Variants in WDR36 observed in about 807,000 individuals in gnomAD.
The protein encoded by WDR36 is WD repeat-containing protein 36.
WDR36 carries 63 observed loss-of-function variants against 112.7 expected under a neutral mutation model. The ratio of observed to expected loss-of-function variants is 0.56; its 90% CI spans 0.46 to 0.69. The LOEUF is 0.69. WDR36 is among the 30% of genes least tolerant of loss of function. The pLI is 0.00. For missense variants in WDR36, 1,226 were observed against 1,070.3 expected (o/e 1.15, Z -2.03); for synonymous variants, 410 against 362.2 (o/e 1.13, Z -1.50).
intron 6 of WDR36, among the ~76,000 whole-genome samples, chr5:111,103,031 C>G (rs2112570694): frequency 6.6e-6 from 1 of 151,660 alleles, no homozygotes; most frequent in East Asian, 1.9e-4. Context: ...CCACTTTTGC[C>G]TATCCAGAAG....
Position 111,107,306 on chromosome 5 carries a change from A to G in WDR36, c.1193A>G (p.Glu398Gly). The G allele has an allele frequency of 6.2e-7, 1 of 1,610,068 alleles. No individual in the cohort carries two copies. The highest frequency in any genetic ancestry group is 8.5e-7 in the Non-Finnish European group (1 of 1,177,416). ...CATTACGTTTTAGAGGAAGCTCGTG[A>G]AAGTGACTGGGATGGTATCATTGCT... ...ITKFAAEEAR[E>G]SDWDGIIACH... The change falls in exon 12 of 23, where the codon GAA (glutamate) becomes GGA (glycine). Residue 398 changes from glutamate to glycine, a missense_variant. Glu to Gly is a moderately conservative substitution (Grantham distance 98, BLOSUM62 -2). Coordinates refer to ENST00000513710, the MANE Select transcript of WDR36 (RefSeq NM_139281.3).
At chr5:111,096,310 G>C (rs79221418) in intron 2 of WDR36, among the ~76,000 whole-genome samples, 2,646 of 152,302 alleles carry the variant, frequency 0.017, 31 homozygotes, top group Non-Finnish European at 0.029. Context: ...AATACCATAT[G>C]TAATATTTTT....
Position 111,105,371 on chromosome 5 carries a change from T to C in WDR36, c.1093+11T>C, listed in dbSNP as rs201187360. On this transcript the variant is annotated intron_variant, in intron 10 of 22. Coordinates refer to ENST00000513710, the MANE Select transcript of WDR36 (RefSeq NM_139281.3). Reference sequence around the variant, plus strand: ...AGAGCTTGGGACATGGTAGGTCCTCTACAAGACAAAATAAGCTGGTCACGA... The same window carrying C: ...AGAGCTTGGGACATGGTAGGTCCTCCACAAGACAAAATAAGCTGGTCACGA... 5.0e-6 allele frequency: 8 copies of C among 1,607,656 alleles called. No individual in the cohort carries two copies. In the East Asian group the frequency reaches 1.8e-4, roughly 36 times the overall value.
rs1753103883 is a variant in WDR36, at chr5:111,100,615, A to G, written c.436A>G (p.Lys146Glu). Residue 146 changes from lysine (K) to glutamate (E), a missense_variant, in exon 5 of 23, where the codon AAA becomes GAA. By Grantham distance (56) the Lys-to-Glu change is moderately conservative. Transcript: ENST00000513710. ...AGAATACCTGCAGTTGACTTTTGAT[A>G]AATCAGTATTTAAAATTTCTGCAAT... ...EEEYLQLTFD[K>E]SVFKISAILH... is the part of the protein sequence containing the mutation. 6.3e-7 allele frequency: 1 copy of G among 1,591,932 alleles called. No homozygotes were observed. The highest frequency in any genetic ancestry group is 1.3e-5 in the African/African-American group (1 of 74,372).
chr5:111,105,182 G>A, intron 9 of WDR36, 113 bp from the exon 10 acceptor site: 1 of 1,119,468 alleles, frequency 8.9e-7, no homozygotes, highest in Admixed American at 1.9e-5. Flanking sequence ...TCCCTTTAAA[G>A]TGTCCCAAAC....
intron 5 of WDR36, among the ~76,000 whole-genome samples, chr5:111,101,570 C>G (rs1021039936): frequency 2.0e-4 from 31 of 151,770 alleles, no homozygotes; most frequent in African/African-American, 7.0e-4. Flanking sequence ...ATACTTCTAT[C>G]CATTATGTAA....
chr5:111,092,540 A>C lies in WDR36; in HGVS notation c.84A>C (p.Pro28=), dbSNP rs750774186. 1 of 1,614,200 alleles carries C rather than the reference A, an allele frequency of 6.2e-7. No homozygotes were observed. The highest frequency in any genetic ancestry group is 2.2e-5 in the East Asian group (1 of 44,880). The change falls in exon 1 of 23, where the codon CCA becomes CCC. Residue 28 remains proline, a synonymous_variant. Coordinates refer to ENST00000513710, the MANE Select transcript of WDR36 (RefSeq NM_139281.3). ...RALGLFSNDI[P]HVVRFSALKR... ...TGGGACTTTTCAGCAACGACATTCC[A>C]CACGTGGTGCGGTTCAGCGCGCTCA...
intron 17 of WDR36, among the ~76,000 whole-genome samples, chr5:111,120,281 A>T (rs953704312): frequency 6.6e-6 from 1 of 152,152 alleles, no homozygotes; most frequent in Non-Finnish European, 1.5e-5. Flanking sequence ...ATGTTTTTGT[A>T]CTACATCAGG....
At chr5:111,099,463 G>GTTTTTTTTTTTTTTTTATTTTTTTTTTTT (rs1753071257) in intron 4 of WDR36, among the ~76,000 whole-genome samples, 1 of 84,970 alleles carries the variant, frequency 1.2e-5, no homozygotes, top group African/African-American at 4.5e-5. Context: ...TTTTTTTTTT[G>GTTTTTTTTTTTTTTTTATTTTTTTTTTTT]TTTTTTTTTT....
intron 5 of WDR36, among the ~76,000 whole-genome samples, chr5:111,101,829 G>T (rs1419019417): frequency 6.6e-6 from 1 of 151,678 alleles, no homozygotes; most frequent in Non-Finnish European, 1.5e-5. Context: ...CCCATTTACA[G>T]AATTTAATAC....
chr5:111,105,165 C>G, intron 9 of WDR36, 130 bp from the exon 10 acceptor site: 1 of 915,152 alleles, frequency 1.1e-6, no homozygotes, highest in Non-Finnish European at 1.7e-6. Context: ...TAGTTGCAAT[C>G]TGGTTTTCCC....
At position 111,097,059 on chromosome 5, in the gene WDR36, C is replaced by A. The variant is rs372406600; in HGVS notation, c.191-20C>A. 9 of 1,581,426 alleles carry A rather than the reference C, an allele frequency of 5.7e-6. No homozygotes were observed. Among genetic ancestry groups the A allele is most frequent in the South Asian group, 1.1e-5 (1 of 90,428 alleles). ...ACATCTTAAAAATCCCTGTTTCTTT[C>A]ATTTTGTATTTTCTGCTAGGTAATT... On this transcript the variant is annotated intron_variant, in intron 2 of 22. Coordinates refer to ENST00000513710, the MANE Select transcript of WDR36 (RefSeq NM_139281.3).
Position 111,127,008 on chromosome 5 carries a change from T to A in WDR36, c.*125T>A. 1 of 912,548 alleles carries A rather than the reference T, an allele frequency of 1.1e-6. No homozygotes were observed. The highest frequency in any genetic ancestry group is 3.1e-5 in the Admixed American group (1 of 31,854). The allele number at this position is 912,548 out of a possible 1,614,324, so 56.5% of individuals were successfully genotyped here. A position where few individuals can be genotyped will look rare whatever the true frequency, so the allele number is the denominator to read the frequency against. ...AGCACTACTGACTAGTCAGTATATCTCCACTTTAAATGCTAAATACTTTCT... is the reference window on the plus strand; with the variant it reads ...AGCACTACTGACTAGTCAGTATATCACCACTTTAAATGCTAAATACTTTCT... On this transcript the variant is annotated 3_prime_UTR_variant, in exon 23 of 23. Transcript: ENST00000513710.
intron 16 of WDR36, among the ~76,000 whole-genome samples, chr5:111,117,667 G>T (rs1313485951): frequency 6.6e-6 from 1 of 152,110 alleles, no homozygotes; most frequent in African/African-American, 2.4e-5. Flanking sequence ...GTGAAGATTC[G>T]ATTAGTTAGC....
chr5:111,127,793 GT>G lies in WDR36; in HGVS notation c.*913del. 4.7e-6 allele frequency: 1 copy of G among 210,908 alleles called. No homozygotes were observed. Among genetic ancestry groups the G allele is most frequent in the Non-Finnish European group, 9.6e-6 (1 of 103,844 alleles). 13.1% of individuals were successfully genotyped at this position (210,908 alleles called of 1,614,324 possible). A position where few individuals can be genotyped will look rare whatever the true frequency, so the allele number is the denominator to read the frequency against. On this transcript the variant is annotated 3_prime_UTR_variant, in exon 23 of 23. Coordinates refer to ENST00000513710, the MANE Select transcript of WDR36 (RefSeq NM_139281.3). The stretch of plus-strand genomic sequence containing the variant: ...CACTGCAGACATGTAGATAACAATA[GT>G]TTAATGTCCTCTGAAAAGGTAAAAA...
intron 4 of WDR36, among the ~76,000 whole-genome samples, chr5:111,100,267 T>C (rs1189498636): frequency 1.3e-5 from 2 of 151,990 alleles, no homozygotes; most frequent in Non-Finnish European, 2.9e-5. Context: ...TACAGAAACA[T>C]GAATGCTAAT....
rs1580394343 is a variant in WDR36 at position 111,104,180 on chromosome 5, G to A, written c.734G>A (p.Gly245Asp). The change falls in exon 8 of 23, where the codon GGT (glycine) becomes GAT (aspartate). Residue 245 changes from glycine to aspartate, a missense_variant. Transcript: ENST00000513710. ...ATGTATTTTATTTTAATAACAGATGGTCATCCAGTAATGGCAGCTGGAAGC... is the reference window on the plus strand; with the variant it reads ...ATGTATTTTATTTTAATAACAGATGATCATCCAGTAATGGCAGCTGGAAGC... ...PITSISFRTD[G>D]HPVMAAGSPC... is the part of the protein sequence containing the mutation. 2.5e-6 allele frequency: 4 copies of A among 1,610,518 alleles called. No homozygotes were observed. Among genetic ancestry groups the A allele is most frequent in the Admixed American group, 3.4e-5 (2 of 59,668 alleles).
rs772520363 is a variant in WDR36, at chr5:111,092,373, A to C, written c.-84A>C. ...GTTGTGTCTGCAGCTCTGGCAGAGG[A>C]CTGTTCCACTAGACACGCTGAAGGG... On this transcript the variant is annotated 5_prime_UTR_variant, in exon 1 of 23. Coordinates refer to ENST00000513710, the MANE Select transcript of WDR36 (RefSeq NM_139281.3). The C allele has an allele frequency of 1.9e-6, 3 of 1,614,062 alleles. No individual in the cohort carries two copies. Among genetic ancestry groups the C allele is most frequent in the Non-Finnish European group, 2.5e-6 (3 of 1,180,038 alleles).
intron 1 of WDR36, 114 bp downstream of exon 1, chr5:111,092,732 C>G (rs902856833): frequency 7.3e-6 from 9 of 1,234,564 alleles, no homozygotes; most frequent in South Asian, 1.3e-5. Context: ...CCTTCTTTAA[C>G]CCCTCCCTGT....
Sources: gnomAD v4.1 joint callset for allele counts (sites outside exome capture counted in the v4.1 genomes callset) on GRCh38, gnomAD v4.1.1 for gene constraint, MANE v1.5 for transcripts, NCBI Gene and HGNC (gene_info 2026-07-23, HGNC 2026-07-21) for gene names.